Variants in PRMT3 observed in about 807,000 individuals in gnomAD.
PRMT3 encodes protein arginine N-methyltransferase 3.
PRMT3 carries 62 observed loss-of-function variants against 71.9 expected under a neutral mutation model. That is an observed-to-expected ratio of 0.86 (90% CI 0.70 to 1.07). PRMT3 has a LOEUF of 1.07. Ranked by LOEUF, PRMT3 falls within the 50% of genes least tolerant of loss-of-function variation. The pLI is 0.00. For missense variants in PRMT3, 663 were observed against 643.0 expected, an observed-to-expected ratio of 1.03 and a Z score of -0.34; for synonymous variants, 213 against 220.4, an observed-to-expected ratio of 0.97 and a Z score of 0.30.
chr11:20,466,991 T>C (rs183741183), intron 13 of PRMT3, among the ~76,000 whole-genome samples: 9 of 152,332 alleles, frequency 5.9e-5, no homozygotes, highest in Admixed American at 2.6e-4. Context: ...ATGGTGTTTA[T>C]GAAAAAGTTT....
Position 20,387,883 on chromosome 11 carries a change from G to A in PRMT3, c.28+109G>A. 1.3e-6 allele frequency: 2 copies of A among 1,536,864 alleles called. No individual in the cohort carries two copies. The highest frequency in any genetic ancestry group is 1.8e-6 in the Non-Finnish European group (2 of 1,139,690). Reference sequence around the variant, plus strand: ...CGGGCCCGGGCAGGGTGGGGGGCTCGCAGGGATCATGAAGGAGGTGCTGAG... The same window carrying A: ...CGGGCCCGGGCAGGGTGGGGGGCTCACAGGGATCATGAAGGAGGTGCTGAG... On this transcript the variant is annotated intron_variant, in intron 1 of 15. Coordinates refer to ENST00000331079, the MANE Select transcript of PRMT3 (RefSeq NM_005788.4). This position sits in a 1 kb window ranked among gnomAD's most constrained non-coding sequence, Gnocchi z 4.3.
intron 10 of PRMT3, among the ~76,000 whole-genome samples, chr11:20,427,915 A>T (rs1849582354): frequency 6.6e-6 from 1 of 152,176 alleles, no homozygotes; most frequent in Non-Finnish European, 1.5e-5. Context: ...GTTTTGCTTT[A>T]TAATTTTTTA....
At chr11:20,407,040 T>C (rs558544386) in intron 8 of PRMT3, 24 of 152,308 alleles carry the variant, frequency 1.6e-4, no homozygotes, top group African/African-American at 5.8e-4. Flanking sequence ...AGCACAATTA[T>C]AAGGTAATTT....
Position 20,451,494 on chromosome 11 carries a change from GT to G in PRMT3, c.994-625del, listed in dbSNP as rs749945910. ...TAAGGATCCCTCCACTTTCTTTTTTGTTTTTTTTTTTAATACCAAAAAGAAA... is the reference window on the plus strand; with the variant it reads ...TAAGGATCCCTCCACTTTCTTTTTTGTTTTTTTTTTAATACCAAAAAGAAA... On this transcript the variant is annotated intron_variant, in intron 10 of 15. Coordinates refer to ENST00000331079, the MANE Select transcript of PRMT3 (RefSeq NM_005788.4). 2.9e-3 allele frequency among the ~76,000 whole-genome samples: 413 copies of G among 143,196 alleles called. 1 individual carries two copies. The highest frequency in any genetic ancestry group is 4.9e-3 in the Non-Finnish European group (317 of 64,788). 93.9% of individuals were successfully genotyped at this position (143,196 alleles called of 152,430 possible).
chr11:20,500,728 A>T (rs1211003678), intron 15 of PRMT3, among the ~76,000 whole-genome samples: 1 of 152,242 alleles, frequency 6.6e-6, no homozygotes, highest in Non-Finnish European at 1.5e-5. Context: ...ATACATAAAA[A>T]CTAAGTGGAT....
rs1341070799 is a variant in PRMT3 at position 20,388,109 on chromosome 11, A to T, written c.119A>T (p.Asp40Val). The change falls in exon 2 of 16, where the codon GAT becomes GTT. Residue 40 changes from aspartate (D) to valine (V), a missense_variant. Coordinates refer to ENST00000331079, the MANE Select transcript of PRMT3 (RefSeq NM_005788.4). Reference protein sequence around the residue: ...EAAWEDEDDADLPHGKQQTPC... With the variant: ...EAAWEDEDDAVLPHGKQQTPC... ...GCCTGGGAGGATGAGGACGATGCAG[A>T]TCTCCCCCACGGCAAGCAGCAGACC... The T allele has an allele frequency of 1.9e-6, 3 of 1,613,942 alleles. No homozygotes were observed. The highest frequency in any genetic ancestry group is 3.3e-5 in the Admixed American group (2 of 60,020).
chr11:20,499,435 A>G (rs1851406225), intron 15 of PRMT3, among the ~76,000 whole-genome samples: 1 of 152,174 alleles, frequency 6.6e-6, no homozygotes, highest in Non-Finnish European at 1.5e-5. Flanking sequence ...AGCCTGGGGA[A>G]CAAAGCAAGA....
At chr11:20,499,725 C>T (rs898056938) in intron 15 of PRMT3, among the ~76,000 whole-genome samples, 2 of 152,084 alleles carry the variant, frequency 1.3e-5, no homozygotes, top group African/African-American at 2.4e-5. Context: ...CTTAAATTCA[C>T]GCTTAAATAG....
intron 10 of PRMT3, among the ~76,000 whole-genome samples, chr11:20,440,370 G>T (rs563510456): frequency 2.0e-5 from 3 of 152,096 alleles, no homozygotes; most frequent in Admixed American, 2.0e-4. Flanking sequence ...AAGAGGCCGG[G>T]TGTGGTGGCT....
At chr11:20,423,776 T>C (rs1174758828) in intron 9 of PRMT3, among the ~76,000 whole-genome samples, 1 of 147,938 alleles carries the variant, frequency 6.8e-6, no homozygotes, top group East Asian at 2.0e-4. Context: ...TTTTTATCAG[T>C]TCCAAAAAGT....
chr11:20,495,736 T>G (rs1297392576), intron 15 of PRMT3, among the ~76,000 whole-genome samples: 1 of 152,170 alleles, frequency 6.6e-6, no homozygotes, highest in Non-Finnish European at 1.5e-5. Flanking sequence ...ATTTAAAAAT[T>G]TAAACTGCTT....
chr11:20,484,114 GCAGTTTCA>G (rs1445032179), intron 13 of PRMT3, among the ~76,000 whole-genome samples: 1 of 152,116 alleles, frequency 6.6e-6, no homozygotes, highest in East Asian at 1.9e-4. Context: ...TGCCTTCTGT[GCAGTTTCA>G]CCATTTAGAT....
intron 11 of PRMT3, among the ~76,000 whole-genome samples, chr11:20,460,582 A>G (rs111623312): frequency 2.0e-5 from 3 of 152,046 alleles, no homozygotes; most frequent in Non-Finnish European, 2.9e-5. Context: ...TCTTTCATTT[A>G]TATGCCTATG....
chr11:20,475,351 G>A (rs910166451), intron 13 of PRMT3, among the ~76,000 whole-genome samples: 1 of 152,198 alleles, frequency 6.6e-6, no homozygotes, highest in Non-Finnish European at 1.5e-5. Context: ...TCTGTGGGTT[G>A]AGATGTTTGC....
intron 13 of PRMT3, among the ~76,000 whole-genome samples, chr11:20,475,657 T>C (rs1850764021): frequency 6.8e-6 from 1 of 147,990 alleles, no homozygotes; most frequent in Non-Finnish European, 1.5e-5. Context: ...AATGTCTTTT[T>C]TTTTTTTTTT....
At chr11:20,397,788 A>G in intron 7 of PRMT3, 67 bp downstream of exon 7, 3 of 1,545,526 alleles carry the variant, frequency 1.9e-6, no homozygotes, top group South Asian at 2.4e-5. Context: ...CTTTCTTAAT[A>G]TATGTGTGCA....
intron 8 of PRMT3, 118 bp downstream of exon 8, chr11:20,403,102 G>A: frequency 1.3e-6 from 1 of 764,774 alleles, no homozygotes; most frequent in East Asian, 2.6e-5. Flanking sequence ...GTATTTCATG[G>A]AAGACATTTA....
chr11:20,404,219 T>TTTGTTTTA (rs1849016932), intron 8 of PRMT3, among the ~76,000 whole-genome samples: 1 of 9,240 alleles, frequency 1.1e-4, no homozygotes, highest in African/African-American at 2.2e-4. Context: ...TAGTTTTTTT[T>TTTGTTTTA]TTTTTTTTTT....
chr11:20,480,941 A>T (rs1850916893), intron 13 of PRMT3, among the ~76,000 whole-genome samples: 2 of 152,138 alleles, frequency 1.3e-5, no homozygotes, highest in African/African-American at 4.8e-5. Flanking sequence ...GTAAGTAGTG[A>T]TATCCAGTAG....
Sources: allele counts gnomAD v4.1 joint callset (sites outside exome capture counted in the v4.1 genomes callset), GRCh38; gene constraint gnomAD v4.1.1; non-coding constraint Gnocchi (gnomAD v3.1); transcripts MANE v1.5; gene names NCBI Gene and HGNC (gene_info 2026-07-23, HGNC 2026-07-21).